Variants in HTR2C observed in about 807,000 individuals in gnomAD.
The protein encoded by HTR2C is 5-hydroxytryptamine (serotonin) receptor 2C, G protein-coupled.
A neutral mutation model predicts 21.0 loss-of-function variants in HTR2C; 5 were observed. The observed-to-expected ratio is 0.24, with a 90% CI of 0.12 to 0.50. The LOEUF is 0.50. Among genes scored for constraint, HTR2C ranks in the 20% least tolerant of loss-of-function variants. The probability of loss-of-function intolerance (pLI) is 0.98; values close to 1 mark genes in which losing one functional copy is unlikely to be tolerated. For synonymous variants in HTR2C, 150 were observed against 145.3 expected, an observed-to-expected ratio of 1.03 and a Z score of -0.23; for missense variants, 271 against 371.2, an observed-to-expected ratio of 0.73 and a Z score of 2.22.
At chrX:114,880,091 T>C (rs1242153430) in intron 5 of HTR2C, among the ~76,000 whole-genome samples, 1 of 110,565 alleles carries the variant, frequency 9.0e-6, no homozygotes, top group African/African-American at 3.3e-5. Flanking sequence ...TATTATAAAG[T>C]GTATAATTAG....
At chrX:114,761,404 A>G (rs2069864624) in intron 4 of HTR2C, among the ~76,000 whole-genome samples, 1 of 111,143 alleles carries the variant, frequency 9.0e-6, no homozygotes, top group Admixed American at 9.7e-5. Context: ...TGTTAATTGG[A>G]ATTTGGAAGG....
intron 4 of HTR2C, among the ~76,000 whole-genome samples, chrX:114,802,699 T>TTTCG (rs2070359671): frequency 1.1e-5 from 1 of 95,050 alleles, no homozygotes; most frequent in Non-Finnish European, 2.1e-5. Context: ...TCTTTCTTTC[T>TTTCG]TTCTTTCTTT....
At chrX:114,803,738 T>G (rs1175141013) in intron 4 of HTR2C, among the ~76,000 whole-genome samples, 3 of 108,311 alleles carry the variant, frequency 2.8e-5, no homozygotes, top group African/African-American at 6.7e-5. Flanking sequence ...TCAGTTTAAT[T>G]AGATCCCATT....
In HTR2C at chrX:114,714,761, T is replaced by A. The variant is rs782484934; in HGVS notation, c.-79-12097T>A. ...TCAGAGCAAAAAGGGATAGAGGTCCTCTATTGCAACTTCTGTGTCATGGAT... is the reference window on the plus strand; with the variant it reads ...TCAGAGCAAAAAGGGATAGAGGTCCACTATTGCAACTTCTGTGTCATGGAT... On this transcript the variant is annotated intron_variant, in intron 2 of 5. Coordinates refer to ENST00000276198, the MANE Select transcript of HTR2C (RefSeq NM_000868.4). Among the ~76,000 whole-genome samples, 3 of 111,618 alleles carry A rather than the reference T, an allele frequency of 2.7e-5. No homozygotes were observed. In the East Asian group the frequency reaches 8.5e-4, roughly 32 times the overall value.
chrX:114,738,851 T>G (rs782446588), intron 4 of HTR2C, among the ~76,000 whole-genome samples: 1 of 110,881 alleles, frequency 9.0e-6, no homozygotes, highest in African/African-American at 3.3e-5. Context: ...GTGGTCACAC[T>G]ATTATTCTAG....
chrX:114,887,367 T>C (rs1247444854), intron 5 of HTR2C, among the ~76,000 whole-genome samples: 1 of 111,927 alleles, frequency 8.9e-6, no homozygotes, highest in Non-Finnish European at 1.9e-5. Flanking sequence ...ATTTTGATTA[T>C]GGCAACTTTC....
intron 2 of HTR2C, among the ~76,000 whole-genome samples, chrX:114,705,018 T>A (rs1362837932): frequency 2.8e-5 from 3 of 106,977 alleles, no homozygotes; most frequent in African/African-American, 1.0e-4. Flanking sequence ...AAGGACCTCT[T>A]CAAGGAGAAC....
chrX:114,696,430 A>C (rs1288016206), intron 2 of HTR2C, among the ~76,000 whole-genome samples: 1 of 111,511 alleles, frequency 9.0e-6, no homozygotes, highest in Non-Finnish European at 1.9e-5. Context: ...AATATGTGGA[A>C]GAACAAAGGG....
chrX:114,726,807 A>C (rs995644988), intron 2 of HTR2C, 51 bp from the exon 3 acceptor site: 1 of 457,664 alleles, frequency 2.2e-6, no homozygotes, highest in Non-Finnish European at 3.7e-6. Flanking sequence ...TTACTATGCA[A>C]GTTATTTCGA....
chrX:114,784,876 C>A (rs1482619700), intron 4 of HTR2C, among the ~76,000 whole-genome samples: 1 of 111,196 alleles, frequency 9.0e-6, no homozygotes, highest in Admixed American at 9.6e-5. Context: ...GCCTCGGCCT[C>A]CCAAAGTGCT....
intron 4 of HTR2C, among the ~76,000 whole-genome samples, chrX:114,748,854 C>A (rs1363531780): frequency 9.0e-6 from 1 of 111,167 alleles, no homozygotes; most frequent in Non-Finnish European, 1.9e-5. Flanking sequence ...TGTCAAAAAC[C>A]ACAAGCCATA....
At chrX:114,690,880 C>G (rs1231964417) in intron 2 of HTR2C, among the ~76,000 whole-genome samples, 1 of 111,198 alleles carries the variant, frequency 9.0e-6, no homozygotes, top group Admixed American at 9.7e-5. Context: ...AGGTTGATTC[C>G]TTTTTTGACA....
rs782377416 is a variant in HTR2C, at chrX:114,812,331, G to A, written c.350-35672G>A. On this transcript the variant is annotated intron_variant, in intron 4 of 5. Transcript: ENST00000276198. ...CCAACTTTTTCCCCACCCTCTACATGGGTTATAAACTTAACAAACGAACAT... is the reference window on the plus strand; with the variant it reads ...CCAACTTTTTCCCCACCCTCTACATAGGTTATAAACTTAACAAACGAACAT... Among the ~76,000 whole-genome samples, 3 of 111,296 alleles carry A rather than the reference G, an allele frequency of 2.7e-5. No individual in the cohort carries two copies. The East Asian group carries it at 8.5e-4, about 31-fold the overall frequency.
chrX:114,817,939 T>C (rs782151346), intron 4 of HTR2C, among the ~76,000 whole-genome samples: 1 of 111,297 alleles, frequency 9.0e-6, no homozygotes, highest in African/African-American at 3.3e-5. Flanking sequence ...ATGAAACAAA[T>C]CCTGAGCAAA....
chrX:114,634,318 A>G (rs1333412790), intron 2 of HTR2C, among the ~76,000 whole-genome samples: 1 of 110,975 alleles, frequency 9.0e-6, no homozygotes, highest in African/African-American at 3.3e-5. Context: ...AAAATGATTA[A>G]AACTGGAGCA....
At chrX:114,744,597 C>T (rs1210917707) in intron 4 of HTR2C, among the ~76,000 whole-genome samples, 2 of 108,689 alleles carry the variant, frequency 1.8e-5, no homozygotes, top group Non-Finnish European at 3.8e-5. Flanking sequence ...GGACTACAGG[C>T]GCCGGCCCTA....
At chrX:114,679,221 G>A (rs1931667067) in intron 2 of HTR2C, among the ~76,000 whole-genome samples, 1 of 110,772 alleles carries the variant, frequency 9.0e-6, no homozygotes, top group South Asian at 3.8e-4. Flanking sequence ...ACACAGTGCT[G>A]GCTTATCCTT....
intron 4 of HTR2C, among the ~76,000 whole-genome samples, chrX:114,793,607 C>T (rs1202383808): frequency 2.7e-5 from 3 of 111,469 alleles, no homozygotes; most frequent in Non-Finnish European, 5.7e-5. Flanking sequence ...TCATACTTAT[C>T]TTTCTCTTTC....
At chrX:114,883,674 A>G (rs1243375455) in intron 5 of HTR2C, among the ~76,000 whole-genome samples, 1 of 110,396 alleles carries the variant, frequency 9.1e-6, no homozygotes, top group African/African-American at 3.3e-5. Context: ...ACCAATAAGT[A>G]TATATATTAA....
Sources: allele counts gnomAD v4.1 joint callset (sites outside exome capture counted in the v4.1 genomes callset), GRCh38; gene constraint gnomAD v4.1.1; transcripts MANE v1.5; gene names NCBI Gene and HGNC (gene_info 2026-07-23, HGNC 2026-07-21).